The following PCDH15 variants were observed in gnomAD, a reference collection of about 807,000 sequenced individuals.
PCDH15 encodes protocadherin related 15.
A neutral mutation model predicts 178.5 loss-of-function variants in PCDH15; 129 were observed. That is an observed-to-expected ratio of 0.72 (90% CI 0.63 to 0.84). The LOEUF (loss-of-function observed/expected upper bound fraction) is 0.84, where lower values mean the gene tolerates loss of function less well. Among genes scored for constraint, PCDH15 ranks in the 40% least tolerant of loss-of-function variants. PCDH15 has a pLI of 0.00. For missense variants in PCDH15, 2,230 were observed against 2,099.9 expected (o/e 1.06, Z -1.21); for synonymous variants, 800 against 732.0 (o/e 1.09, Z -1.50).
At chr10:54,855,362 C>T (rs1249604043) in intron 3 of PCDH15, among the ~76,000 whole-genome samples, 1 of 152,182 alleles carries the variant, frequency 6.6e-6, no homozygotes, top group Non-Finnish European at 1.5e-5. Context: ...GGGTCCACAG[C>T]CATGGCTTGG....
intron 6 of PCDH15, among the ~76,000 whole-genome samples, chr10:54,333,982 G>A (rs1333848414): frequency 6.6e-6 from 1 of 152,148 alleles, no homozygotes; most frequent in East Asian, 1.9e-4. Flanking sequence ...CATTTCTAAA[G>A]CCAGGACATT....
intron 2 of PCDH15, among the ~76,000 whole-genome samples, chr10:55,574,169 T>C (rs1239886262): frequency 2.0e-5 from 3 of 152,020 alleles, no homozygotes; most frequent in Admixed American, 1.3e-4. Context: ...GATTCCTTAG[T>C]CATGAGTTTT....
At chr10:54,385,842 C>T (rs757817670) in intron 3 of PCDH15, among the ~76,000 whole-genome samples, 2 of 152,084 alleles carry the variant, frequency 1.3e-5, no homozygotes, top group African/African-American at 4.8e-5. Flanking sequence ...TGATGAAAAT[C>T]ATTTTACACA....
chr10:54,756,301 T>C (rs1258690997), intron 1 of PCDH15, among the ~76,000 whole-genome samples: 6 of 151,436 alleles, frequency 4.0e-5, no homozygotes, highest in Non-Finnish European at 1.5e-5. Flanking sequence ...ATACCATGAG[T>C]GCAAAAAGAA....
chr10:55,112,855 A>AACAAC (rs1837541900), intron 2 of PCDH15, among the ~76,000 whole-genome samples: 1 of 152,188 alleles, frequency 6.6e-6, no homozygotes, highest in East Asian at 1.9e-4. Context: ...AGAGAAGGAA[A>AACAAC]ACAACACATA....
chr10:54,937,821 T>A (rs1348775058), intron 2 of PCDH15, among the ~76,000 whole-genome samples: 1 of 152,086 alleles, frequency 6.6e-6, no homozygotes, highest in Non-Finnish European at 1.5e-5. Flanking sequence ...AAAAATTTCT[T>A]ATTCCAAGAC....
intron 2 of PCDH15, among the ~76,000 whole-genome samples, chr10:55,053,043 A>G (rs1329298685): frequency 6.6e-6 from 1 of 152,206 alleles, no homozygotes; most frequent in Non-Finnish European, 1.5e-5. Flanking sequence ...CCTCATCTCT[A>G]AACGTACATG....
intron 1 of PCDH15, among the ~76,000 whole-genome samples, chr10:54,723,524 A>T (rs1487910591): frequency 6.6e-6 from 1 of 151,872 alleles, no homozygotes; most frequent in Non-Finnish European, 1.5e-5. Flanking sequence ...AAGTAAATGC[A>T]ACAAAAACAA....
intron 18 of PCDH15, among the ~76,000 whole-genome samples, chr10:54,031,058 G>T (rs75582895): frequency 6.6e-6 from 1 of 151,922 alleles, no homozygotes; most frequent in Non-Finnish European, 1.5e-5. Flanking sequence ...GGAGGTCAAC[G>T]TATCACCTAT....
Position 54,622,608 on chromosome 10 carries a change from A to AT in PCDH15, c.91+41563_91+41564insA, listed in dbSNP as rs1201576903. On this transcript the variant is annotated intron_variant, in intron 2 of 37. Coordinates refer to ENST00000644397, the MANE Select transcript of PCDH15 (RefSeq NM_001384140.1). ...AATATATATAATATATAATATATAT[A>AT]ATTATATATAATATATATAATATAT... 4.2e-4 allele frequency among the ~76,000 whole-genome samples: 19 copies of AT among 44,762 alleles called. 2 individuals are homozygous for AT. Among genetic ancestry groups the AT allele is most frequent in the Admixed American group, 1.5e-3 (4 of 2,752 alleles). 29.4% of individuals were successfully genotyped at this position (44,762 alleles called of 152,430 possible). A position where few individuals can be genotyped will look rare whatever the true frequency, so the allele number is the denominator to read the frequency against.
chr10:55,138,022 A>G (rs1327223660), intron 2 of PCDH15, among the ~76,000 whole-genome samples: 2 of 152,010 alleles, frequency 1.3e-5, no homozygotes, highest in Non-Finnish European at 2.9e-5. Context: ...CCCTGCAGGT[A>G]CTTTTCTAGA....
At chr10:54,287,253 G>C (rs1164191061) in intron 8 of PCDH15, among the ~76,000 whole-genome samples, 2 of 152,120 alleles carry the variant, frequency 1.3e-5, no homozygotes, top group East Asian at 3.9e-4. Flanking sequence ...TGTCACCAAA[G>C]TATGCACTTT....
intron 8 of PCDH15, among the ~76,000 whole-genome samples, chr10:54,240,140 G>A (rs1284389346): frequency 6.6e-6 from 1 of 151,958 alleles, no homozygotes; most frequent in African/African-American, 2.4e-5. Context: ...GATGAAACCA[G>A]GCCTGGAAAG....
chr10:54,271,151 T>C (rs1053264689), intron 8 of PCDH15, among the ~76,000 whole-genome samples: 6 of 152,186 alleles, frequency 3.9e-5, no homozygotes, highest in South Asian at 2.1e-4. Flanking sequence ...TCTGCCATTG[T>C]ATATAATTTA....
At chr10:54,270,972 A>G (rs2058012734) in intron 8 of PCDH15, among the ~76,000 whole-genome samples, 1 of 152,160 alleles carries the variant, frequency 6.6e-6, no homozygotes, top group Admixed American at 6.6e-5. Flanking sequence ...CTAAATTATT[A>G]TATATGACCA....
intron 2 of PCDH15, among the ~76,000 whole-genome samples, chr10:54,990,867 T>C (rs926542700): frequency 6.6e-6 from 1 of 152,172 alleles, no homozygotes; most frequent in African/African-American, 2.4e-5. Context: ...AATACTGTTT[T>C]AGTTTTCTCA....
chr10:53,830,823 A>C (rs932241051), intron 30 of PCDH15, among the ~76,000 whole-genome samples: 3 of 152,138 alleles, frequency 2.0e-5, no homozygotes, highest in African/African-American at 7.2e-5. Flanking sequence ...ATTACATCTT[A>C]CATGCTATGA....
At chr10:54,527,945 T>C (rs934895295) in intron 2 of PCDH15, 68 bp from the exon 3 acceptor site, 2 of 1,204,284 alleles carry the variant, frequency 1.7e-6, no homozygotes, top group East Asian at 2.3e-5. Flanking sequence ...AAAAAATTCA[T>C]TGAGATGTAT....
In PCDH15 at chr10:54,515,295, C is replaced by T. The variant is rs188685635; in HGVS notation, c.157+12517G>A. On this transcript the variant is annotated intron_variant, in intron 3 of 37. Coordinates refer to ENST00000644397, the MANE Select transcript of PCDH15 (RefSeq NM_001384140.1). Reference sequence around the variant, plus strand: ...CCACCTTAATACTGCACTTTTCCAACGGGCTTAAAAAACGGCACACCAGGA... The same window carrying T: ...CCACCTTAATACTGCACTTTTCCAATGGGCTTAAAAAACGGCACACCAGGA... Among the ~76,000 whole-genome samples, 232 of 152,312 alleles carry T rather than the reference C, an allele frequency of 1.5e-3. 1 individual carries two copies. The highest frequency in any genetic ancestry group is 5.1e-3 in the African/African-American group (211 of 41,580).
Sources: allele counts gnomAD v4.1 joint callset (sites outside exome capture counted in the v4.1 genomes callset), GRCh38; gene constraint gnomAD v4.1.1; transcripts MANE v1.5; gene names NCBI Gene and HGNC (gene_info 2026-07-23, HGNC 2026-07-21).